Variants in TTLL11 observed in about 807,000 individuals in gnomAD.
The protein encoded by TTLL11 is tubulin tyrosine ligase like 11.
A neutral mutation model predicts 51.7 loss-of-function variants in TTLL11; 42 were observed. The observed-to-expected ratio is 0.81, with a 90% confidence interval of 0.64 to 1.05. The LOEUF is 1.05. Among genes scored for constraint, TTLL11 ranks in the 50% least tolerant of loss-of-function variants. The probability of loss-of-function intolerance (pLI) is 0.00; values close to 1 mark genes in which losing one functional copy is unlikely to be tolerated. For synonymous variants in TTLL11, 381 were observed against 383.5 expected (o/e 0.99, Z 0.08); for missense variants, 799 against 940.4 (o/e 0.85, Z 1.97).
intron 1 of TTLL11, among the ~76,000 whole-genome samples, chr9:122,087,031 G>A (rs1202031226): frequency 6.6e-6 from 1 of 152,162 alleles, no homozygotes; most frequent in East Asian, 1.9e-4. Flanking sequence ...ATTGAAAACT[G>A]GCTACAAGCC....
intron 3 of TTLL11, among the ~76,000 whole-genome samples, chr9:121,996,661 T>C (rs185310749): frequency 7.3e-4 from 111 of 152,342 alleles, no homozygotes; most frequent in Non-Finnish European, 1.2e-3. Flanking sequence ...TGCACCAACC[T>C]AAATAATACA....
rs116064003 is a variant in TTLL11 at position 122,002,238 on chromosome 9, C to T, written c.694-12468G>A. Among the ~76,000 whole-genome samples the T allele has an allele frequency of 3.1e-3, 476 of 152,328 alleles. 6 individuals are homozygous for T. Among genetic ancestry groups the T allele is most frequent in the African/African-American group, 0.011 (459 of 41,574 alleles). ...GTTCATTTGCAAGGAAACCTCTCTG[C>T]TTCCTTAATAAATCAGAGAGGGACA... On this transcript the variant is annotated intron_variant, in intron 3 of 8. Coordinates refer to ENST00000321582, the MANE Select transcript of TTLL11 (RefSeq NM_001139442.2).
At chr9:121,926,663 G>A (rs1343654892) in intron 6 of TTLL11, among the ~76,000 whole-genome samples, 3 of 152,196 alleles carry the variant, frequency 2.0e-5, no homozygotes, top group South Asian at 4.1e-4. Flanking sequence ...CAACAAGGCC[G>A]TCTCCTCTCT....
intron 1 of TTLL11, among the ~76,000 whole-genome samples, chr9:122,073,547 G>A (rs1845783255): frequency 6.6e-6 from 1 of 152,198 alleles, no homozygotes; most frequent in Non-Finnish European, 1.5e-5. Context: ...AGGTGGGGAA[G>A]GAAGGAGCTG....
At chr9:122,078,119 C>CT (rs144864338) in intron 1 of TTLL11, among the ~76,000 whole-genome samples, 5,168 of 152,056 alleles carry the variant, frequency 0.034, 314 homozygotes, top group African/African-American at 0.12. Flanking sequence ...GTCTTGAGTG[C>CT]TTTTATTAGC....
chr9:121,866,982 G>C (rs1212339793), intron 7 of TTLL11, among the ~76,000 whole-genome samples: 1 of 152,128 alleles, frequency 6.6e-6, no homozygotes, highest in Non-Finnish European at 1.5e-5. Context: ...AGAGCAAAAG[G>C]GTGAAAAATC....
At chr9:122,044,100 C>A (rs1208117805) in intron 1 of TTLL11, among the ~76,000 whole-genome samples, 3 of 152,096 alleles carry the variant, frequency 2.0e-5, no homozygotes, top group African/African-American at 4.8e-5. Flanking sequence ...CGAGTGAGAA[C>A]GTGCAGTGTT....
intron 6 of TTLL11, among the ~76,000 whole-genome samples, chr9:121,920,768 C>T: frequency 6.6e-6 from 1 of 152,178 alleles, no homozygotes; most frequent in Non-Finnish European, 1.5e-5. Context: ...TGAGTTTATA[C>T]CACCAAATAT....
chr9:121,842,257 T>TA (rs66633566), intron 8 of TTLL11, among the ~76,000 whole-genome samples: 82 of 150,222 alleles, frequency 5.5e-4, no homozygotes, highest in Non-Finnish European at 6.4e-4. Flanking sequence ...TCCTTTTTTT[T>TA]AAAAAAAAAA....
intron 4 of TTLL11, among the ~76,000 whole-genome samples, chr9:121,988,246 ACCTC>A (rs1467285663): frequency 6.6e-6 from 1 of 150,570 alleles, no homozygotes; most frequent in South Asian, 2.1e-4. Context: ...TCTCCTAGGG[ACCTC>A]CCCACTTCCA....
intron 4 of TTLL11, among the ~76,000 whole-genome samples, chr9:121,984,095 C>T (rs888617330): frequency 6.6e-6 from 1 of 151,982 alleles, no homozygotes; most frequent in African/African-American, 2.4e-5. Context: ...AAATTATGTC[C>T]AAGACAGCAA....
intron 1 of TTLL11, 134 bp downstream of exon 1, chr9:122,092,553 C>G (rs75024460): frequency 7.6e-6 from 11 of 1,442,148 alleles, no homozygotes; most frequent in Non-Finnish European, 6.3e-6. Context: ...TTGCGGCTGA[C>G]AAGCAGGCCC....
intron 3 of TTLL11, among the ~76,000 whole-genome samples, chr9:122,019,833 A>G (rs1327180351): frequency 6.6e-6 from 1 of 152,220 alleles, no homozygotes; most frequent in Non-Finnish European, 1.5e-5. Flanking sequence ...TAACTGAATC[A>G]TAGGGGCAGT....
rs2416851 is a variant in TTLL11 at position 122,076,359 on chromosome 9, G to A, written c.462+16328C>T. Among the ~76,000 whole-genome samples, 578 of 152,304 alleles carry A rather than the reference G, an allele frequency of 3.8e-3. 9 individuals carry two copies. The East Asian group carries it at 0.055, about 14-fold the overall frequency. ...CGGCCCCCGAGTGTCTGCTGGCAAG[G>A]CAAGAATCAGACTGGAAATTCCCAT... On this transcript the variant is annotated intron_variant, in intron 1 of 8. Transcript: ENST00000321582.
intron 2 of TTLL11, among the ~76,000 whole-genome samples, chr9:122,033,142 C>T (rs943724991): frequency 7.2e-5 from 11 of 151,946 alleles, no homozygotes; most frequent in Non-Finnish European, 1.3e-4. Context: ...GGCAGAGTTT[C>T]GCTCTTGTTG....
At chr9:121,854,258 G>A (rs1588071686) in intron 8 of TTLL11, among the ~76,000 whole-genome samples, 1 of 152,188 alleles carries the variant, frequency 6.6e-6, no homozygotes, top group Non-Finnish European at 1.5e-5. Flanking sequence ...AGGCAGGCAT[G>A]TAGCTCATCA....
At chr9:121,841,985 A>T (rs12348475) in intron 8 of TTLL11, among the ~76,000 whole-genome samples, 26 of 152,152 alleles carry the variant, frequency 1.7e-4, no homozygotes, top group African/African-American at 6.3e-4. Context: ...TTCCAGCGAG[A>T]TGCAGAGCTC....
rs1475342990 is a variant in TTLL11 at position 121,925,115 on chromosome 9, T to C, written c.1481+48894A>G. Among the ~76,000 whole-genome samples the C allele has an allele frequency of 2.0e-5, 3 of 152,316 alleles. No individual in the cohort carries two copies. In the East Asian group the frequency reaches 5.8e-4, roughly 29 times the overall value. ...CACTTCTCCTCTGAAAGGCTCTGTT[T>C]AGGGATCTCTAATGTCACCGGCAGA... On this transcript the variant is annotated intron_variant, in intron 6 of 8. Transcript: ENST00000321582.
chr9:121,938,113 T>C (rs922848331), intron 6 of TTLL11, among the ~76,000 whole-genome samples: 8 of 151,708 alleles, frequency 5.3e-5, no homozygotes, highest in Admixed American at 5.3e-4. Context: ...CATGGTGAAA[T>C]CCGGTCTCTA....
Sources: gnomAD v4.1 joint callset for allele counts (sites outside exome capture counted in the v4.1 genomes callset) on GRCh38, gnomAD v4.1.1 for gene constraint, MANE v1.5 for transcripts, NCBI Gene and HGNC (gene_info 2026-07-23, HGNC 2026-07-21) for gene names.